The following DENND4A variants were observed in gnomAD, a reference collection of about 807,000 sequenced individuals.
The protein encoded by DENND4A is C-myc promoter-binding protein.
Under a neutral mutation model 199.3 loss-of-function variants are expected in DENND4A, and 70 were observed. The observed-to-expected ratio is 0.35, with a 90% CI of 0.29 to 0.43. The LOEUF is 0.43. Ranked by LOEUF, DENND4A falls within the 20% of genes least tolerant of loss-of-function variation. DENND4A has a pLI of 1.00. For synonymous variants in DENND4A, 686 were observed against 766.9 expected (o/e 0.89, Z 1.74); for missense variants, 1,723 against 2,255.8 (o/e 0.76, Z 4.78).
chr15:65,704,272 T>C (rs1240539726), intron 15 of DENND4A, among the ~76,000 whole-genome samples: 1 of 152,224 alleles, frequency 6.6e-6, no homozygotes, highest in Non-Finnish European at 1.5e-5. Flanking sequence ...TTTACGGTGT[T>C]TTCCCAATTA....
At chr15:65,789,134 T>C (rs1253540743) in intron 1 of DENND4A, among the ~76,000 whole-genome samples, 1 of 152,168 alleles carries the variant, frequency 6.6e-6, no homozygotes, top group Non-Finnish European at 1.5e-5. Context: ...TCCCATACTA[T>C]AATGCATTTG....
At chr15:65,745,783 G>A (rs778091030) in intron 4 of DENND4A, among the ~76,000 whole-genome samples, 21 of 152,180 alleles carry the variant, frequency 1.4e-4, no homozygotes, top group Non-Finnish European at 2.6e-4. Context: ...AAAACAAGGA[G>A]TTAGAAATGC....
intron 1 of DENND4A, among the ~76,000 whole-genome samples, chr15:65,780,868 GAACC>G (rs944963043): frequency 5.3e-5 from 8 of 152,144 alleles, no homozygotes; most frequent in African/African-American, 1.9e-4. Flanking sequence ...TCTGGGTCTG[GAACC>G]AACTACTTTA....
At chr15:65,673,185 A>G (rs1205341220) in intron 24 of DENND4A, among the ~76,000 whole-genome samples, 1 of 151,296 alleles carries the variant, frequency 6.6e-6, no homozygotes, top group Non-Finnish European at 1.5e-5. Flanking sequence ...TTATAAAGAT[A>G]AAGATCAAAA....
intron 4 of DENND4A, among the ~76,000 whole-genome samples, chr15:65,746,444 T>C (rs1383342361): frequency 7.7e-6 from 1 of 130,318 alleles, no homozygotes. Context: ...TGTAGTGCAG[T>C]GGCATGATCT....
intron 14 of DENND4A, among the ~76,000 whole-genome samples, chr15:65,706,877 G>A (rs1690681386): frequency 6.6e-6 from 1 of 152,042 alleles, no homozygotes; most frequent in African/African-American, 2.4e-5. Context: ...AAAGGAATAG[G>A]GTAGACAAGG....
chr15:65,699,766 A>G (rs2077285278), intron 20 of DENND4A, among the ~76,000 whole-genome samples: 1 of 150,550 alleles, frequency 6.6e-6, no homozygotes, highest in African/African-American at 2.4e-5. Flanking sequence ...TGCAGCCTCA[A>G]CCTCCTGGGT....
intron 29 of DENND4A, among the ~76,000 whole-genome samples, 153 bp downstream of exon 29, chr15:65,667,296 C>G (rs2076074718): frequency 6.6e-6 from 1 of 152,220 alleles, no homozygotes; most frequent in African/African-American, 2.4e-5. Context: ...TGCCACTGCA[C>G]TCCAGCCTGG....
chr15:65,764,971 C>CAAA (rs1567090727), intron 1 of DENND4A, among the ~76,000 whole-genome samples: 1 of 89,136 alleles, frequency 1.1e-5, no homozygotes, highest in Non-Finnish European at 2.2e-5. Context: ...GACCCTGTCT[C>CAAA]CAAAAAAAAA....
At position 65,661,830 on chromosome 15, in the gene DENND4A, G is replaced by A. The variant is rs1044703775; in HGVS notation, c.*21C>T. On this transcript the variant is annotated 3_prime_UTR_variant, in exon 33 of 33. Transcript: ENST00000443035. ...ACTGACTATACAATATACATTGAAT[G>A]TTTACACATACAAATACATCTTAAA... 20 of 1,584,412 alleles carry A rather than the reference G, an allele frequency of 1.3e-5. No individual in the cohort carries two copies. Among genetic ancestry groups the A allele is most frequent in the Non-Finnish European group, 1.7e-5 (20 of 1,162,598 alleles).
intron 22 of DENND4A, among the ~76,000 whole-genome samples, chr15:65,692,385 T>C (rs2077002497): frequency 6.6e-6 from 1 of 152,222 alleles, no homozygotes; most frequent in Non-Finnish European, 1.5e-5. Context: ...GAAATCTAGA[T>C]CTCTGATCAC....
At chr15:65,749,746 A>G (rs1003466770) in intron 4 of DENND4A, among the ~76,000 whole-genome samples, 6 of 152,322 alleles carry the variant, frequency 3.9e-5, no homozygotes, top group Admixed American at 3.9e-4. Flanking sequence ...AAAGTCAATA[A>G]TTGGTAACAA....
chr15:65,773,629 C>T (rs1768020588), intron 1 of DENND4A, among the ~76,000 whole-genome samples: 1 of 152,120 alleles, frequency 6.6e-6, no homozygotes, highest in African/African-American at 2.4e-5. Flanking sequence ...TGGACAGTAT[C>T]AAAAGTATAT....
rs551117279 is a variant in DENND4A at position 65,676,676 on chromosome 15, G to A, written c.4180-42C>T. On this transcript the variant is annotated intron_variant, in intron 23 of 32. Transcript: ENST00000443035. ...AAGCTTAATTTCTTGTACATTTAAA[G>A]GTAATTAATTAAAAAGTCACTTCTA... 5 of 1,479,760 alleles carry A rather than the reference G, an allele frequency of 3.4e-6. No individual in the cohort carries two copies. The Admixed American group carries it at 6.5e-5, about 19-fold the overall frequency. 91.7% of individuals were successfully genotyped at this position (1,479,760 alleles called of 1,614,324 possible).
chr15:65,741,738 G>A lies in DENND4A; in HGVS notation c.608C>T (p.Thr203Met), dbSNP rs370570206. 5.6e-6 allele frequency: 9 copies of A among 1,612,610 alleles called. No individual in the cohort carries two copies. Among genetic ancestry groups the A allele is most frequent in the African/African-American group, 5.3e-5 (4 of 74,846 alleles). ...ACCAGCTTTGTAAGATACAGTGTTC[G>A]TCTTTGCCACCGATTTTTTATAACA... ...YLCYKKSVAK[T>M]NTVSYKAGLI... Residue 203 changes from threonine (T) to methionine (M), a missense_variant, in exon 5 of 33, where the codon ACG becomes ATG. Thr to Met is a moderately conservative substitution (Grantham distance 81, BLOSUM62 -1). This residue lies in a region of DENND4A where 725 missense variants were observed against 952.9 expected (regional missense o/e 0.76). Transcript: ENST00000443035.
intron 23 of DENND4A, among the ~76,000 whole-genome samples, chr15:65,676,955 C>G (rs2076401177): frequency 6.6e-6 from 1 of 152,172 alleles, no homozygotes; most frequent in Admixed American, 6.5e-5. Flanking sequence ...CATGAAACCA[C>G]TAGAATTACG....
intron 12 of DENND4A, among the ~76,000 whole-genome samples, chr15:65,721,018 G>T (rs1323539798): frequency 8.2e-6 from 1 of 122,546 alleles, no homozygotes; most frequent in Non-Finnish European, 1.7e-5. Flanking sequence ...TCAGCATGTT[G>T]CCCAGGATGG....
intron 1 of DENND4A, among the ~76,000 whole-genome samples, chr15:65,790,083 T>C (rs2077674589): frequency 6.6e-6 from 1 of 152,212 alleles, no homozygotes; most frequent in African/African-American, 2.4e-5. Context: ...TAATTTTATT[T>C]TACAATTCTG....
At chr15:65,688,449 T>C (rs1190522034) in intron 23 of DENND4A, among the ~76,000 whole-genome samples, 1 of 152,208 alleles carries the variant, frequency 6.6e-6, no homozygotes, top group Admixed American at 6.5e-5. Context: ...TTATGTAGCC[T>C]GGGTACTGTT....
Sources: gnomAD v4.1 joint callset for allele counts (sites outside exome capture counted in the v4.1 genomes callset) on GRCh38, gnomAD v4.1.1 for gene constraint, gnomAD v4.1.1 regional missense constraint, MANE v1.5 for transcripts, NCBI Gene and HGNC (gene_info 2026-07-23, HGNC 2026-07-21) for gene names.